PGM5: variants seen among roughly 807,000 people sequenced by gnomAD.
The protein encoded by PGM5 is phosphoglucomutase-like protein 5.
PGM5 carries 23 observed loss-of-function variants against 59.2 expected under a neutral mutation model. The observed-to-expected ratio is 0.39, with a 90% CI of 0.28 to 0.55. The LOEUF is 0.55. Among genes scored for constraint, PGM5 ranks in the 20% least tolerant of loss-of-function variants. The probability of loss-of-function intolerance (pLI) is 0.66; values close to 1 mark genes in which losing one functional copy is unlikely to be tolerated. For synonymous variants in PGM5, 214 were observed against 286.0 expected, an observed-to-expected ratio of 0.75 and a Z score of 2.54; for missense variants, 574 against 748.3, an observed-to-expected ratio of 0.77 and a Z score of 2.72.
At chr9:68,408,752 T>C (rs1822867121) in intron 6 of PGM5, among the ~76,000 whole-genome samples, 1 of 152,206 alleles carries the variant, frequency 6.6e-6, no homozygotes, top group Admixed American at 6.5e-5. Context: ...GATTTTTGTA[T>C]AAGGTGTAAG....
At chr9:68,499,557 C>G (rs1360357867) in intron 10 of PGM5, among the ~76,000 whole-genome samples, 196 bp downstream of exon 10, 5 of 152,226 alleles carry the variant, frequency 3.3e-5, no homozygotes, top group African/African-American at 1.2e-4. Flanking sequence ...ATTGCTCTCT[C>G]GCATCTATTT....
At chr9:68,382,643 G>A (rs759008089) in intron 2 of PGM5, among the ~76,000 whole-genome samples, 18 of 151,392 alleles carry the variant, frequency 1.2e-4, no homozygotes, top group Non-Finnish European at 1.8e-4. Flanking sequence ...TAGATTTGCC[G>A]TATCCTTTAA....
chr9:68,391,211 A>G (rs1336632827), intron 4 of PGM5, among the ~76,000 whole-genome samples: 5 of 151,448 alleles, frequency 3.3e-5, no homozygotes, highest in Non-Finnish European at 7.4e-5. Context: ...AACTTTTAAT[A>G]CATGAAAAGC....
chr9:68,479,559 G>A lies in PGM5; in HGVS notation c.1295+6G>A. The A allele has an allele frequency of 1.2e-6, 2 of 1,613,740 alleles. No homozygotes were observed. Among genetic ancestry groups the A allele is most frequent in the Non-Finnish European group, 1.7e-6 (2 of 1,179,766 alleles). ...GGCCGCCACTACTATTGCAGGTGAG[G>A]AGAAGGGGAAGGGTCTCTGTATGGA... On this transcript the variant is annotated splice_donor_region_variant and intron_variant, in intron 8 of 10. Coordinates refer to ENST00000396396, the MANE Select transcript of PGM5 (RefSeq NM_021965.4).
chr9:68,475,545 T>C (rs1224129023), intron 7 of PGM5, among the ~76,000 whole-genome samples: 2 of 152,048 alleles, frequency 1.3e-5, no homozygotes, highest in Admixed American at 1.3e-4. Context: ...TATTCTTTTT[T>C]AGTAAACTGA....
intron 6 of PGM5, among the ~76,000 whole-genome samples, chr9:68,416,400 T>C (rs2132043532): frequency 6.6e-6 from 1 of 152,318 alleles, no homozygotes; most frequent in South Asian, 2.1e-4. Context: ...TAAGTTTCAG[T>C]TGCCTACTGT....
chr9:68,420,000 T>C (rs540368861), intron 6 of PGM5, among the ~76,000 whole-genome samples: 1 of 152,292 alleles, frequency 6.6e-6, no homozygotes, highest in Admixed American at 6.5e-5. Flanking sequence ...GCTTTTCAAG[T>C]GCATGGAAAA....
At chr9:68,381,984 A>G (rs1554678359) in intron 2 of PGM5, among the ~76,000 whole-genome samples, 1 of 151,954 alleles carries the variant, frequency 6.6e-6, no homozygotes, top group Non-Finnish European at 1.5e-5. Context: ...ATTTAACACA[A>G]CCCCTATCAA....
intron 6 of PGM5, among the ~76,000 whole-genome samples, chr9:68,455,965 T>G (rs1304420096): frequency 1.3e-5 from 2 of 152,378 alleles, no homozygotes; most frequent in South Asian, 2.1e-4. Flanking sequence ...TATGGCTGTT[T>G]GTCGCTGTAG....
At chr9:68,373,267 A>G (rs1259346035) in intron 1 of PGM5, among the ~76,000 whole-genome samples, 2 of 149,864 alleles carry the variant, frequency 1.3e-5, no homozygotes, top group Non-Finnish European at 1.5e-5. Flanking sequence ...TATCCCCCAG[A>G]TGATAGGACC....
chr9:68,457,395 G>C (rs1554684999), intron 6 of PGM5, among the ~76,000 whole-genome samples: 2 of 152,152 alleles, frequency 1.3e-5, no homozygotes, highest in African/African-American at 2.4e-5. Context: ...CACTGATAAT[G>C]CCATTGTATT....
chr9:68,414,287 A>T (rs1822984519), intron 6 of PGM5, among the ~76,000 whole-genome samples: 1 of 152,194 alleles, frequency 6.6e-6, no homozygotes, highest in Admixed American at 6.5e-5. Context: ...GTATTCCTTT[A>T]TAGCCACACA....
At chr9:68,528,603 C>T (rs867113531) in intron 10 of PGM5, among the ~76,000 whole-genome samples, 1 of 151,810 alleles carries the variant, frequency 6.6e-6, no homozygotes, top group Non-Finnish European at 1.5e-5. Context: ...TAAAAGTACT[C>T]TACATGGAAA....
chr9:68,401,960 C>A (rs1227380185), intron 6 of PGM5, among the ~76,000 whole-genome samples: 3 of 151,462 alleles, frequency 2.0e-5, no homozygotes, highest in Non-Finnish European at 4.4e-5. Flanking sequence ...TGAAACTGTA[C>A]ACTTAGAAGT....
chr9:68,466,486 G>C (rs1315163480), intron 7 of PGM5: 5 of 168,248 alleles, frequency 3.0e-5, no homozygotes, highest in African/African-American at 1.2e-4. Context: ...CAATGGTTTG[G>C]GTTTTCCTGT....
rs265088 is a variant in PGM5 at position 68,515,385 on chromosome 9, G to T, written c.1615-14182G>T. Among the ~76,000 whole-genome samples the T allele has an allele frequency of 2.6e-5, 4 of 152,118 alleles. No individual in the cohort carries two copies. In the South Asian group the frequency reaches 8.3e-4, roughly 32 times the overall value. On this transcript the variant is annotated intron_variant, in intron 10 of 10. Coordinates refer to ENST00000396396, the MANE Select transcript of PGM5 (RefSeq NM_021965.4). ...TCCGTAAGACTCAGGTGGCCCTCAC[G>T]GCAGAAGTTCTCTTCTAGTTTGCTT...
intron 6 of PGM5, among the ~76,000 whole-genome samples, chr9:68,415,983 T>C (rs1823023684): frequency 6.6e-6 from 1 of 151,814 alleles, no homozygotes; most frequent in South Asian, 2.1e-4. Context: ...GTTAGTATTG[T>C]TGAAATTTAA....
In PGM5 at chr9:68,469,802, G is replaced by A. The variant is rs151209724; in HGVS notation, c.1159+4594G>A. On this transcript the variant is annotated intron_variant, in intron 7 of 10. Transcript: ENST00000396396. Reference sequence around the variant, plus strand: ...TGAATGGGAGAAGGGAAGGAAGGTTGGAAAGATGAAAGGAAGATAGGTGGG... The same window carrying A: ...TGAATGGGAGAAGGGAAGGAAGGTTAGAAAGATGAAAGGAAGATAGGTGGG... 4.6e-3 allele frequency among the ~76,000 whole-genome samples: 695 copies of A among 152,274 alleles called. 6 individuals carry two copies. The highest frequency in any genetic ancestry group is 7.6e-3 in the Non-Finnish European group (520 of 68,036).
intron 10 of PGM5, among the ~76,000 whole-genome samples, chr9:68,519,342 G>T (rs1481761559): frequency 6.6e-5 from 10 of 152,060 alleles, no homozygotes; most frequent in South Asian, 2.1e-4. Flanking sequence ...TTAATATGGA[G>T]AATTAAATTA....
Sources: allele counts gnomAD v4.1 joint callset (sites outside exome capture counted in the v4.1 genomes callset), GRCh38; gene constraint gnomAD v4.1.1; transcripts MANE v1.5; gene names NCBI Gene and HGNC (gene_info 2026-07-23, HGNC 2026-07-21).